The following KCNK2 variants were observed in gnomAD, a reference collection of about 807,000 sequenced individuals.
KCNK2 encodes the protein potassium two pore domain channel subfamily K member 2.
In KCNK2, 21 loss-of-function variants were observed where a neutral mutation model predicts 40.5. The observed-to-expected ratio is 0.52, with a 90% CI of 0.37 to 0.75. KCNK2 has a LOEUF of 0.75. KCNK2 is among the 30% of genes least tolerant of loss of function. KCNK2 has a pLI of 0.00. For synonymous variants in KCNK2, 191 were observed against 202.2 expected, an observed-to-expected ratio of 0.94 and a Z score of 0.47; for missense variants, 399 against 531.6, an observed-to-expected ratio of 0.75 and a Z score of 2.45.
chr1:215,007,185 G>GTGTGTATATATA (rs1398746959), intron 1 of KCNK2, among the ~76,000 whole-genome samples: 1 of 31,028 alleles, frequency 3.2e-5, no homozygotes, highest in African/African-American at 1.2e-4. Context: ...ATGTGTGTGG[G>GTGTGTATATATA]TATATATATA....
At chr1:215,218,281 G>A (rs1336026073) in intron 6 of KCNK2, among the ~76,000 whole-genome samples, 4 of 152,198 alleles carry the variant, frequency 2.6e-5, no homozygotes, top group African/African-American at 4.8e-5. Context: ...GAAGTCTGAA[G>A]GTGAGTCACT....
chr1:215,073,537 G>T (rs1658832661), intron 1 of KCNK2, among the ~76,000 whole-genome samples: 1 of 152,086 alleles, frequency 6.6e-6, no homozygotes, highest in African/African-American at 2.4e-5. Context: ...AGGGAGACAG[G>T]TACAGTCTAG....
chr1:215,096,927 C>A (rs2102545671), intron 2 of KCNK2, among the ~76,000 whole-genome samples: 1 of 151,902 alleles, frequency 6.6e-6, no homozygotes, highest in Admixed American at 6.6e-5. Context: ...TTTAAAAGTT[C>A]TTCAACAATA....
chr1:215,111,730 C>A (rs1660691881), intron 2 of KCNK2, among the ~76,000 whole-genome samples: 1 of 151,912 alleles, frequency 6.6e-6, no homozygotes, highest in Non-Finnish European at 1.5e-5. Context: ...GCCTCTGTTA[C>A]TTTAGGATCA....
rs1051265229 is a variant in KCNK2 at position 215,091,582 on chromosome 1, GAC to G, written c.357+4906_357+4907del. ...GTGTACATTGTCCTAAGTGCTGAAA[GAC>G]AGTGGAGAATAAAATCAGAAGAAAA... On this transcript the variant is annotated intron_variant, in intron 2 of 6. Coordinates refer to ENST00000444842, the MANE Select transcript of KCNK2 (RefSeq NM_001017425.3). 3.6e-4 allele frequency among the ~76,000 whole-genome samples: 55 copies of G among 152,274 alleles called. 1 individual carries two copies. The highest frequency in any genetic ancestry group is 1.2e-3 in the African/African-American group (48 of 41,548).
At chr1:215,089,183 G>T (rs976380708) in intron 2 of KCNK2, among the ~76,000 whole-genome samples, 1 of 151,750 alleles carries the variant, frequency 6.6e-6, no homozygotes, top group African/African-American at 2.4e-5. Context: ...TTAAAACCTC[G>T]TAAGTCTATC....
chr1:215,144,951 G>C (rs1472584414), intron 3 of KCNK2, among the ~76,000 whole-genome samples: 1 of 152,122 alleles, frequency 6.6e-6, no homozygotes, highest in African/African-American at 2.4e-5. Flanking sequence ...CAGTAATTTA[G>C]AGCACTTCAT....
rs548234375 is a variant in KCNK2, at chr1:215,154,671, A to G, written c.476-14528A>G. On this transcript the variant is annotated intron_variant, in intron 3 of 6. Coordinates refer to ENST00000444842, the MANE Select transcript of KCNK2 (RefSeq NM_001017425.3). Reference sequence around the variant, plus strand: ...ATCTTTGCCCATGCCTATGTCCTCAATGGTATTGCCTAGGTTTTCTTCTAG... The same window carrying G: ...ATCTTTGCCCATGCCTATGTCCTCAGTGGTATTGCCTAGGTTTTCTTCTAG... 1.6e-4 allele frequency among the ~76,000 whole-genome samples: 24 copies of G among 152,180 alleles called. No individual in the cohort carries two copies. In the East Asian group the frequency reaches 3.7e-3, roughly 23 times the overall value.
intron 1 of KCNK2, among the ~76,000 whole-genome samples, chr1:215,043,599 TAG>T (rs1657641282): frequency 6.6e-6 from 1 of 152,094 alleles, no homozygotes; most frequent in Admixed American, 6.5e-5. Flanking sequence ...GTCAGAATCA[TAG>T]AGACAGAAAG....
chr1:215,062,624 C>T (rs1658399088), intron 1 of KCNK2, among the ~76,000 whole-genome samples: 3 of 150,698 alleles, frequency 2.0e-5, no homozygotes, highest in Admixed American at 6.6e-5. Flanking sequence ...TTGTTTTAGG[C>T]TTAGAGTTTT....
At chr1:215,168,827 C>A (rs993416210) in intron 3 of KCNK2, among the ~76,000 whole-genome samples, 1 of 151,644 alleles carries the variant, frequency 6.6e-6, no homozygotes, top group Admixed American at 6.6e-5. Context: ...AGGTAACAAA[C>A]CTACACATTC....
intron 1 of KCNK2, among the ~76,000 whole-genome samples, chr1:215,020,028 A>G (rs1207845605): frequency 1.3e-5 from 2 of 152,320 alleles, no homozygotes; most frequent in East Asian, 3.9e-4. Context: ...GAGTCATTAT[A>G]GATCTATTCA....
intron 1 of KCNK2, among the ~76,000 whole-genome samples, chr1:215,085,902 A>G (rs1659411134): frequency 2.0e-5 from 3 of 152,218 alleles, no homozygotes; most frequent in Admixed American, 2.0e-4. Context: ...TAAAATGAAA[A>G]TAGAGAATGT....
At chr1:215,153,326 A>C (rs1342015591) in intron 3 of KCNK2, among the ~76,000 whole-genome samples, 2 of 152,156 alleles carry the variant, frequency 1.3e-5, no homozygotes, top group African/African-American at 2.4e-5. Flanking sequence ...TCACGATCCA[A>C]GGTTTAAATA....
intron 1 of KCNK2, among the ~76,000 whole-genome samples, chr1:215,070,589 C>T (rs537467045): frequency 6.6e-6 from 1 of 152,104 alleles, no homozygotes; most frequent in South Asian, 2.1e-4. Context: ...TTCATAACAC[C>T]ATCAGATTTT....
chr1:215,174,097 G>GT (rs1395006791), intron 5 of KCNK2, among the ~76,000 whole-genome samples: 1 of 152,160 alleles, frequency 6.6e-6, no homozygotes, highest in African/African-American at 2.4e-5. Context: ...GGTTTTTACA[G>GT]TTTTAGGTCT....
chr1:215,091,334 T>C (rs1659685247), intron 2 of KCNK2, among the ~76,000 whole-genome samples: 2 of 152,108 alleles, frequency 1.3e-5, no homozygotes, highest in Non-Finnish European at 2.9e-5. Flanking sequence ...CATTGTTCCA[T>C]ACCAGGGAGG....
intron 6 of KCNK2, among the ~76,000 whole-genome samples, chr1:215,201,123 AT>A (rs1373962723): frequency 6.6e-6 from 1 of 152,100 alleles, no homozygotes; most frequent in Non-Finnish European, 1.5e-5. Flanking sequence ...AAGGTGTGGG[AT>A]GTGGAGACTA....
chr1:215,209,484 AATACATAT>A (rs1468262026), intron 6 of KCNK2, among the ~76,000 whole-genome samples: 66 of 35,198 alleles, frequency 1.9e-3, no homozygotes, highest in Non-Finnish European at 3.2e-3. Context: ...TATTATATAT[AATACATAT>A]ATATAATATA....
Sources: gnomAD v4.1 joint callset for allele counts (sites outside exome capture counted in the v4.1 genomes callset) on GRCh38, gnomAD v4.1.1 for gene constraint, MANE v1.5 for transcripts, NCBI Gene and HGNC (gene_info 2026-07-23, HGNC 2026-07-21) for gene names.